Variants in RABEPK observed in about 807,000 individuals in gnomAD.
RABEPK encodes the protein Rab9 effector protein with kelch motifs.
RABEPK carries 27 observed loss-of-function variants against 34.1 expected under a neutral mutation model. That is an observed-to-expected ratio of 0.79 (90% CI 0.58 to 1.09). The LOEUF is 1.09. RABEPK is among the 50% of genes least tolerant of loss of function. RABEPK has a pLI of 0.00. For missense variants in RABEPK, 449 were observed against 462.6 expected (o/e 0.97, Z 0.27); for synonymous variants, 172 against 169.2 (o/e 1.02, Z -0.13).
At position 125,213,537 on chromosome 9, in the gene RABEPK, G is replaced by T. The variant is rs1470616713; in HGVS notation, c.364+15G>T. On this transcript the variant is annotated intron_variant, in intron 4 of 7. Coordinates refer to ENST00000373538, the MANE Select transcript of RABEPK (RefSeq NM_005833.4). Reference sequence around the variant, plus strand: ...CCTGAATCCTGGTAAGTAGCCAAAGGTTATTTTATTTACGTACATACAAAT... The same window carrying T: ...CCTGAATCCTGGTAAGTAGCCAAAGTTTATTTTATTTACGTACATACAAAT... The T allele has an allele frequency of 1.2e-6, 2 of 1,609,402 alleles. No homozygotes were observed. The highest frequency in any genetic ancestry group is 1.7e-6 in the Non-Finnish European group (2 of 1,177,330).
chr9:125,233,214 T>C (rs1250421861), intron 7 of RABEPK, among the ~76,000 whole-genome samples: 1 of 152,072 alleles, frequency 6.6e-6, no homozygotes, highest in Non-Finnish European at 1.5e-5. Context: ...AAGGTTTTTT[T>C]CCTTTTACTC....
intron 5 of RABEPK, among the ~76,000 whole-genome samples, chr9:125,226,179 T>C (rs867797150): frequency 5.4e-5 from 8 of 147,676 alleles, no homozygotes; most frequent in African/African-American, 2.0e-4. Context: ...TAGCTGGGTG[T>C]GGTTTTGGGT....
intron 4 of RABEPK, among the ~76,000 whole-genome samples, chr9:125,216,523 G>C (rs1206038371): frequency 6.6e-6 from 1 of 152,002 alleles, no homozygotes; most frequent in Non-Finnish European, 1.5e-5. Flanking sequence ...TAGACAGTAT[G>C]TTATCTTTTA....
intron 6 of RABEPK, among the ~76,000 whole-genome samples, chr9:125,228,996 G>A (rs1323673309): frequency 2.0e-5 from 3 of 151,164 alleles, no homozygotes; most frequent in Admixed American, 6.6e-5. Context: ...GCTCATGCCT[G>A]TAATCCCAGC....
At chr9:125,218,189 G>A (rs1250903556) in intron 4 of RABEPK, among the ~76,000 whole-genome samples, 8 of 151,224 alleles carry the variant, frequency 5.3e-5, no homozygotes, top group African/African-American at 1.5e-4. Flanking sequence ...GCATGGTGGC[G>A]GATGCCTGTA....
At position 125,200,722 on chromosome 9, in the gene RABEPK, C is replaced by G. The variant is rs1037532187; in HGVS notation, c.-191C>G. 3 of 471,118 alleles carry G rather than the reference C, an allele frequency of 6.4e-6. No individual in the cohort carries two copies. The highest frequency in any genetic ancestry group is 1.3e-5 in the Non-Finnish European group (3 of 227,076). 29.2% of individuals were successfully genotyped at this position (471,118 alleles called of 1,614,324 possible). ...GGGGAAGGGCCTTCCCTGGCTCCGT[C>G]CCGGCCACTTTGACCGAATCAGCCT... is the stretch of plus-strand genomic sequence containing the variant. On this transcript the variant is annotated 5_prime_UTR_variant, in exon 1 of 8. Transcript: ENST00000373538.
chr9:125,212,535 ATTCT>A (rs1830654052), intron 3 of RABEPK, among the ~76,000 whole-genome samples: 1 of 151,950 alleles, frequency 6.6e-6, no homozygotes, highest in Admixed American at 6.6e-5. Flanking sequence ...AGGTATTACT[ATTCT>A]GTGAACTTGT....
chr9:125,202,863 T>G (rs776131783), intron 1 of RABEPK, 145 bp from the exon 2 acceptor site: 2 of 337,328 alleles, frequency 5.9e-6, no homozygotes, highest in Non-Finnish European at 1.1e-5. Context: ...ATAATAAAAA[T>G]AAAGATGAAA....
At chr9:125,213,098 A>G (rs1456276323) in intron 3 of RABEPK, among the ~76,000 whole-genome samples, 6 of 152,218 alleles carry the variant, frequency 3.9e-5, no homozygotes, top group Non-Finnish European at 7.3e-5. Flanking sequence ...CTAAAGCTAC[A>G]AAGTCAAAGC....
At chr9:125,229,880 G>A (rs561512237) in intron 6 of RABEPK, among the ~76,000 whole-genome samples, 68 of 152,330 alleles carry the variant, frequency 4.5e-4, no homozygotes, top group Middle Eastern at 3.4e-3. Flanking sequence ...CAAGCTGTGA[G>A]GTCCATTATG....
intron 5 of RABEPK, among the ~76,000 whole-genome samples, chr9:125,224,766 A>G (rs926223794): frequency 6.6e-6 from 1 of 152,044 alleles, no homozygotes; most frequent in Non-Finnish European, 1.5e-5. Flanking sequence ...TATTGTCTGT[A>G]TCCTTATTTT....
Sources: gnomAD v4.1 joint callset for allele counts (sites outside exome capture counted in the v4.1 genomes callset) on GRCh38, gnomAD v4.1.1 for gene constraint, MANE v1.5 for transcripts, NCBI Gene and HGNC (gene_info 2026-07-23, HGNC 2026-07-21) for gene names.